LPP: variants seen among roughly 807,000 people sequenced by gnomAD.
LPP encodes LIM domain containing preferred translocation partner in lipoma, also known as lipoma-preferred partner.
In LPP, 38 loss-of-function variants were observed where a neutral mutation model predicts 60.4. The ratio of observed to expected loss-of-function variants is 0.63; its 90% CI spans 0.49 to 0.83. LPP has a LOEUF of 0.83. Ranked by LOEUF, LPP falls within the 40% of genes least tolerant of loss-of-function variation. The probability of loss-of-function intolerance (pLI) is 0.00; values close to 1 mark genes in which losing one functional copy is unlikely to be tolerated. For missense variants in LPP, 902 were observed against 783.6 expected, an observed-to-expected ratio of 1.15 and a Z score of -1.80; for synonymous variants, 328 against 290.8, an observed-to-expected ratio of 1.13 and a Z score of -1.30.
At chr3:188,368,925 C>A (rs1772150446) in intron 3 of LPP, among the ~76,000 whole-genome samples, 1 of 152,120 alleles carries the variant, frequency 6.6e-6, no homozygotes, top group Non-Finnish European at 1.5e-5. Flanking sequence ...GAGAGGGTCA[C>A]CCGCCACATT....
At chr3:188,864,580 C>T (rs2151976409) in intron 9 of LPP, among the ~76,000 whole-genome samples, 1 of 152,316 alleles carries the variant, frequency 6.6e-6, no homozygotes, top group Middle Eastern at 3.4e-3. Flanking sequence ...GCAATTCATT[C>T]CAAGTGGGAC....
At position 188,886,325 on chromosome 3, in the gene LPP, A is replaced by G; in HGVS notation, c.*11846A>G. 5.7e-6 allele frequency: 1 copy of G among 175,116 alleles called. No homozygotes were observed. Among genetic ancestry groups the G allele is most frequent in the Non-Finnish European group, 1.2e-5 (1 of 81,780 alleles). 10.8% of individuals were successfully genotyped at this position (175,116 alleles called of 1,614,324 possible). A position where few individuals can be genotyped will look rare whatever the true frequency, so the allele number is the denominator to read the frequency against. On this transcript the variant is annotated 3_prime_UTR_variant, in exon 12 of 12. Coordinates refer to ENST00000617246, the MANE Select transcript of LPP (RefSeq NM_001375462.1). ...ATAATAATGAAATAAAATTAAAAAAAAAAAAGAAAAGTGCCTCACCTCCCT... is the reference window on the plus strand; with the variant it reads ...ATAATAATGAAATAAAATTAAAAAAGAAAAAGAAAAGTGCCTCACCTCCCT...
chr3:188,381,390 CT>C (rs1204969514), intron 3 of LPP, among the ~76,000 whole-genome samples: 3 of 151,804 alleles, frequency 2.0e-5, no homozygotes, highest in African/African-American at 7.3e-5. Flanking sequence ...GAGCATTTAC[CT>C]TATTGGAATT....
chr3:188,681,465 T>C (rs544516204), intron 7 of LPP, among the ~76,000 whole-genome samples: 1 of 152,338 alleles, frequency 6.6e-6, no homozygotes, highest in East Asian at 1.9e-4. Flanking sequence ...TAGCATTTGA[T>C]CTACCTTCTC....
At chr3:188,402,759 G>T (rs1399005630) in intron 3 of LPP, among the ~76,000 whole-genome samples, 1 of 152,230 alleles carries the variant, frequency 6.6e-6, no homozygotes, top group Non-Finnish European at 1.5e-5. Flanking sequence ...AACTTGTTGG[G>T]ACATGTAGGC....
intron 2 of LPP, among the ~76,000 whole-genome samples, chr3:188,325,998 G>A (rs1281618321): frequency 6.6e-6 from 1 of 151,992 alleles, no homozygotes; most frequent in African/African-American, 2.4e-5. Context: ...AAATACCCTC[G>A]ACTTTTTCTT....
intron 3 of LPP, among the ~76,000 whole-genome samples, chr3:188,384,789 C>CAAAAAAAA (rs561284077): frequency 7.8e-5 from 4 of 51,450 alleles, no homozygotes; most frequent in African/African-American, 3.2e-4. Flanking sequence ...GACTCTGTCT[C>CAAAAAAAA]AAAAAAAAAA....
At chr3:188,866,420 T>C (rs1168804298) in intron 10 of LPP, 42 bp downstream of exon 10, 12 of 1,389,182 alleles carry the variant, frequency 8.6e-6, no homozygotes, top group Non-Finnish European at 1.1e-5. Flanking sequence ...CCAGTCCTTT[T>C]GGAGTCTGTT....
intron 3 of LPP, among the ~76,000 whole-genome samples, chr3:188,370,161 C>G (rs1352002600): frequency 1.3e-5 from 2 of 152,170 alleles, no homozygotes; most frequent in Non-Finnish European, 2.9e-5. Context: ...CTCCTGACCT[C>G]TTGATTCACC....
chr3:188,678,429 C>G (rs968430237), intron 7 of LPP, among the ~76,000 whole-genome samples: 1 of 152,170 alleles, frequency 6.6e-6, no homozygotes. Context: ...CTACTGTAAC[C>G]TAGCCAGGCA....
chr3:188,545,854 C>G (rs957984979), intron 6 of LPP, among the ~76,000 whole-genome samples: 1 of 152,092 alleles, frequency 6.6e-6, no homozygotes, highest in Admixed American at 6.5e-5. Context: ...GGCTCAAAGA[C>G]AGGGGGTTAG....
chr3:188,168,051 G>A (rs902307964), intron 1 of LPP, among the ~76,000 whole-genome samples: 1 of 152,174 alleles, frequency 6.6e-6, no homozygotes. Flanking sequence ...GGCTGAAGAC[G>A]CTTGATATAA....
chr3:188,329,694 T>TA, intron 2 of LPP, among the ~76,000 whole-genome samples: 1 of 152,354 alleles, frequency 6.6e-6, no homozygotes, highest in African/African-American at 2.4e-5. Context: ...TCACCACTAC[T>TA]ATCTCTTCTG....
intron 9 of LPP, among the ~76,000 whole-genome samples, chr3:188,863,547 T>C (rs1765784649): frequency 1.3e-5 from 2 of 152,156 alleles, no homozygotes; most frequent in South Asian, 4.1e-4. Flanking sequence ...TGTGAGTTTT[T>C]CCTTTCTCGA....
intron 2 of LPP, among the ~76,000 whole-genome samples, chr3:188,320,454 G>A (rs1043339695): frequency 4.6e-5 from 7 of 152,182 alleles, no homozygotes; most frequent in Non-Finnish European, 8.8e-5. Context: ...TACTTACCCA[G>A]TAAACAACCC....
At chr3:188,712,250 G>T (rs367583795) in intron 8 of LPP, 1 of 152,252 alleles carries the variant, frequency 6.6e-6, no homozygotes, top group Admixed American at 6.5e-5. Context: ...CTAGTGAAAA[G>T]AACTGTCCTT....
intron 8 of LPP, among the ~76,000 whole-genome samples, chr3:188,725,078 T>A (rs1005147896): frequency 6.6e-6 from 1 of 152,234 alleles, no homozygotes; most frequent in African/African-American, 2.4e-5. Flanking sequence ...AGACACTGAT[T>A]AACTGATTCT....
chr3:188,632,200 C>G (rs1394803232), intron 7 of LPP, among the ~76,000 whole-genome samples: 5 of 152,088 alleles, frequency 3.3e-5, no homozygotes, highest in African/African-American at 1.2e-4. Context: ...ATTCTAGACC[C>G]CATGTTGAAG....
At chr3:188,581,152 G>T (rs1835988886) in intron 6 of LPP, among the ~76,000 whole-genome samples, 1 of 152,020 alleles carries the variant, frequency 6.6e-6, no homozygotes, top group Non-Finnish European at 1.5e-5. Flanking sequence ...TTTTTCTACA[G>T]AATTTAAATC....
Sources: allele counts gnomAD v4.1 joint callset (sites outside exome capture counted in the v4.1 genomes callset), GRCh38; gene constraint gnomAD v4.1.1; transcripts MANE v1.5; gene names NCBI Gene and HGNC (gene_info 2026-07-23, HGNC 2026-07-21).